Variants in RBFOX1 observed in about 807,000 individuals in gnomAD.
RBFOX1 encodes the protein RNA binding fox-1 homolog 1.
A neutral mutation model predicts 57.7 loss-of-function variants in RBFOX1; 8 were observed. The observed-to-expected ratio is 0.14, with a 90% CI of 0.08 to 0.25. RBFOX1 has a LOEUF of 0.25. Ranked by LOEUF, RBFOX1 falls within the 10% of genes least tolerant of loss-of-function variation. The probability of loss-of-function intolerance (pLI) is 1.00; values close to 1 mark genes in which losing one functional copy is unlikely to be tolerated. For missense variants in RBFOX1, 611 were observed against 548.5 expected, an observed-to-expected ratio of 1.11 and a Z score of -1.14; for synonymous variants, 326 against 222.4, an observed-to-expected ratio of 1.47 and a Z score of -4.15.
chr16:5,654,386 C>T (rs1340852195), intron 3 of RBFOX1, among the ~76,000 whole-genome samples: 1 of 152,104 alleles, frequency 6.6e-6, no homozygotes, highest in Non-Finnish European at 1.5e-5. Context: ...AGTATTTATA[C>T]CATGGAAATT....
intron 1 of RBFOX1, among the ~76,000 whole-genome samples, chr16:6,086,893 G>A (rs2096093571): frequency 1.3e-5 from 2 of 152,176 alleles, no homozygotes; most frequent in Non-Finnish European, 2.9e-5. Context: ...GTCTTTCCTT[G>A]TTGAAGGCTT....
chr16:6,204,267 G>A (rs777152405), intron 1 of RBFOX1, among the ~76,000 whole-genome samples: 17 of 152,030 alleles, frequency 1.1e-4, no homozygotes, highest in Non-Finnish European at 2.1e-4. Context: ...GGGAAAATGG[G>A]AATACAAAAT....
chr16:6,082,739 A>C (rs574002374), intron 1 of RBFOX1, among the ~76,000 whole-genome samples: 34 of 152,226 alleles, frequency 2.2e-4, no homozygotes, highest in Admixed American at 2.0e-3. Flanking sequence ...TGATCACTCA[A>C]ATAGAACTAG....
At chr16:6,872,479 G>C in intron 3 of RBFOX1, among the ~76,000 whole-genome samples, 1 of 152,088 alleles carries the variant, frequency 6.6e-6, no homozygotes, top group East Asian at 1.9e-4. Flanking sequence ...TTAGCCCCTT[G>C]CTTTAGGTTT....
chr16:7,540,370 G>C (rs573904944), intron 5 of RBFOX1, among the ~76,000 whole-genome samples: 86 of 152,324 alleles, frequency 5.6e-4, no homozygotes, highest in African/African-American at 2.0e-3. Context: ...CTCCTGTACA[G>C]ATTGCCTGAC....
At chr16:6,976,958 A>T (rs1003224011) in intron 3 of RBFOX1, among the ~76,000 whole-genome samples, 2 of 143,716 alleles carry the variant, frequency 1.4e-5, no homozygotes, top group Non-Finnish European at 3.0e-5. Flanking sequence ...TATCATATAT[A>T]TTAAATATCC....
intron 3 of RBFOX1, among the ~76,000 whole-genome samples, chr16:6,883,373 C>G (rs1042164407): frequency 2.0e-5 from 3 of 152,140 alleles, no homozygotes; most frequent in Non-Finnish European, 4.4e-5. Context: ...TCAAGTAAAT[C>G]ACAGCCTTTA....
chr16:7,182,889 C>G (rs541695477), intron 4 of RBFOX1, among the ~76,000 whole-genome samples: 1 of 152,320 alleles, frequency 6.6e-6, no homozygotes, highest in Non-Finnish European at 1.5e-5. Flanking sequence ...AAGATCTTCC[C>G]TGTTCACAAC....
At chr16:6,250,346 A>G (rs1057513359) in intron 1 of RBFOX1, among the ~76,000 whole-genome samples, 1 of 152,182 alleles carries the variant, frequency 6.6e-6, no homozygotes. Flanking sequence ...TATTATTAGA[A>G]TATTAAGCGA....
intron 2 of RBFOX1, among the ~76,000 whole-genome samples, chr16:6,569,100 A>C (rs368887726): frequency 1.2e-4 from 18 of 152,344 alleles, no homozygotes; most frequent in African/African-American, 4.3e-4. Flanking sequence ...TGGTGTCAGC[A>C]GCCCAGCTTT....
At chr16:7,453,994 A>G (rs1478198735) in intron 4 of RBFOX1, among the ~76,000 whole-genome samples, 2 of 152,208 alleles carry the variant, frequency 1.3e-5, no homozygotes, top group African/African-American at 4.8e-5. Context: ...GCAGTTTGGG[A>G]GGCCAAGACG....
chr16:6,358,396 T>C (rs2087780751), intron 2 of RBFOX1, among the ~76,000 whole-genome samples: 1 of 152,250 alleles, frequency 6.6e-6, no homozygotes, highest in South Asian at 2.1e-4. Context: ...TTGTCAGGCC[T>C]TGTCTCATCT....
intron 3 of RBFOX1, among the ~76,000 whole-genome samples, chr16:7,010,856 C>T (rs2093621724): frequency 6.6e-6 from 1 of 152,202 alleles, no homozygotes. Flanking sequence ...GGATTATAGG[C>T]ATGAGCCACT....
intron 3 of RBFOX1, among the ~76,000 whole-genome samples, chr16:7,051,329 C>G (rs77024501): frequency 0.026 from 3,884 of 152,292 alleles, 159 homozygotes; most frequent in African/African-American, 0.088. Context: ...CTTAACCCAC[C>G]TATGTTTTCT....
At chr16:6,464,776 A>C (rs1293818409) in intron 2 of RBFOX1, among the ~76,000 whole-genome samples, 1 of 152,244 alleles carries the variant, frequency 6.6e-6, no homozygotes. Context: ...CTACAGCATT[A>C]ATCACTTGGC....
chr16:7,304,161 G>C (rs2096109637), intron 4 of RBFOX1: 1 of 969,068 alleles, frequency 1.0e-6, no homozygotes, highest in South Asian at 4.8e-5. Context: ...GGACCGGCGG[G>C]GTGCGGTGGG....
intron 2 of RBFOX1, among the ~76,000 whole-genome samples, chr16:6,533,764 A>G (rs778195414): frequency 1.3e-5 from 2 of 152,056 alleles, no homozygotes; most frequent in African/African-American, 2.4e-5. Flanking sequence ...AAAAGCAAAC[A>G]CTCGAAAGCC....
intron 4 of RBFOX1, among the ~76,000 whole-genome samples, chr16:7,184,132 G>A (rs985693174): frequency 1.6e-4 from 25 of 152,272 alleles, no homozygotes; most frequent in Admixed American, 7.9e-4. Flanking sequence ...GACAGGAAAG[G>A]GCTTTGTGTA....
rs534708512 is a variant in RBFOX1, at chr16:7,110,181, G to C, written c.27+58083G>C. 1.3e-4 allele frequency among the ~76,000 whole-genome samples: 13 copies of C among 102,504 alleles called. 1 individual carries two copies. Among genetic ancestry groups the C allele is most frequent in the Non-Finnish European group, 1.7e-4 (9 of 51,552 alleles). The allele number at this position is 102,504 out of a possible 152,430, so 67.2% of individuals were successfully genotyped here. On this transcript the variant is annotated intron_variant, in intron 4 of 15. Coordinates refer to ENST00000550418, the MANE Select transcript of RBFOX1 (RefSeq NM_018723.4). ...CCTGGGCAACATAGCGAGACCCCCC[G>C]TGTCTCAAAAAAAAAAAAAAAAAGA... is the stretch of plus-strand genomic sequence containing the variant.
Sources: allele counts gnomAD v4.1 joint callset (sites outside exome capture counted in the v4.1 genomes callset), GRCh38; gene constraint gnomAD v4.1.1; transcripts MANE v1.5; gene names NCBI Gene and HGNC (gene_info 2026-07-23, HGNC 2026-07-21).